KDM3A: variants seen among roughly 807,000 people sequenced by gnomAD.
The protein encoded by KDM3A is lysine-specific demethylase 3A.
In KDM3A, 60 loss-of-function variants were observed where a neutral mutation model predicts 158.0. That is an observed-to-expected ratio of 0.38 (90% confidence interval 0.31 to 0.47). The LOEUF (loss-of-function observed/expected upper bound fraction) is 0.47. Ranked by LOEUF, KDM3A falls within the 20% of genes least tolerant of loss-of-function variation. The probability of loss-of-function intolerance (pLI) is 0.99; values close to 1 mark genes in which losing one functional copy is unlikely to be tolerated. For missense variants in KDM3A, 1,319 were observed against 1,574.3 expected (o/e 0.84, Z 2.74); for synonymous variants, 608 against 549.3 (o/e 1.11, Z -1.49).
Position 86,478,219 on chromosome 2 carries a change from A to G in KDM3A, c.2142A>G (p.Ile714Met), listed in dbSNP as rs1479356252. 12 of 1,613,996 alleles carry G rather than the reference A, an allele frequency of 7.4e-6. No individual in the cohort carries two copies. The highest frequency in any genetic ancestry group is 1.0e-5 in the Non-Finnish European group (12 of 1,179,920). Residue 714 changes from isoleucine to methionine, a missense_variant, in exon 14 of 26, where the codon ATA becomes ATG. Ile to Met is a conservative substitution (Grantham distance 10). Around this residue, in one of 4 missense-constraint regions of KDM3A, gnomAD observed 368 missense variants for 415.8 expected, o/e 0.89. Coordinates refer to ENST00000312912, the MANE Select transcript of KDM3A (RefSeq NM_018433.6). Reference protein sequence around the residue: ...FSWLKCVKSQIHEPENLMPTQ... With the variant: ...FSWLKCVKSQMHEPENLMPTQ... ...GGCTAAAATGTGTGAAGAGTCAGAT[A>G]CATGAACCAGAGAACTTAATGCCCA...
intron 10 of KDM3A, among the ~76,000 whole-genome samples, chr2:86,469,359 T>C (rs1673299259): frequency 1.3e-5 from 2 of 152,208 alleles, no homozygotes; most frequent in Non-Finnish European, 2.9e-5. Context: ...CACTTCCCTC[T>C]TCTCAGCTCT....
intron 8 of KDM3A, among the ~76,000 whole-genome samples, chr2:86,458,883 A>T (rs754723295): frequency 1.8e-4 from 27 of 152,086 alleles, no homozygotes; most frequent in Non-Finnish European, 3.5e-4. Flanking sequence ...TGAGGGAAGG[A>T]CATGAGAATA....
At position 86,451,182 on chromosome 2, in the gene KDM3A, T is replaced by A; in HGVS notation, c.422T>A (p.Phe141Tyr). The A allele has an allele frequency of 6.2e-7, 1 of 1,610,806 alleles. No individual in the cohort carries two copies. The highest frequency in any genetic ancestry group is 8.5e-7 in the Non-Finnish European group (1 of 1,178,796). ...VRFLGDQQRV[F>Y]LSKDLLKPIQ... is the part of the protein sequence containing the mutation. ...TTTCTGGGAGATCAACAAAGAGTAT[T>A]TCTTTCTAAAGACCTTTTGAAGCCT... Residue 141 changes from phenylalanine to tyrosine, a missense_variant, in exon 4 of 26, where the codon TTT (phenylalanine) becomes TAT (tyrosine). Phe to Tyr is a conservative substitution (Grantham distance 22). Transcript: ENST00000312912.
At chr2:86,454,987 A>C in intron 4 of KDM3A, 98 bp from the exon 5 acceptor site, 2 of 665,152 alleles carry the variant, frequency 3.0e-6, no homozygotes, top group South Asian at 4.3e-5. Flanking sequence ...ACACTACTTT[A>C]ACCCATTTGA....
chr2:86,482,388 T>C (rs1573203923), intron 17 of KDM3A, 70 bp from the exon 18 acceptor site: 11 of 1,574,586 alleles, frequency 7.0e-6, no homozygotes, highest in Non-Finnish European at 6.0e-6. Flanking sequence ...TCTATACTCA[T>C]TATGGGAATG....
At chr2:86,465,203 A>G (rs1351595756) in intron 9 of KDM3A, among the ~76,000 whole-genome samples, 2 of 152,202 alleles carry the variant, frequency 1.3e-5, no homozygotes, top group Admixed American at 6.5e-5. Context: ...CTTCAAGGCT[A>G]TCCCTAGTAA....
chr2:86,465,952 AAAAAAG>A (rs1251509124), intron 9 of KDM3A, among the ~76,000 whole-genome samples: 16 of 151,580 alleles, frequency 1.1e-4, no homozygotes, highest in African/African-American at 3.6e-4. Flanking sequence ...AAAAAAAAAA[AAAAAAG>A]AAGAAAGAAA....
intron 8 of KDM3A, among the ~76,000 whole-genome samples, chr2:86,460,127 C>T (rs1007680853): frequency 6.6e-6 from 1 of 152,118 alleles, no homozygotes; most frequent in South Asian, 2.1e-4. Flanking sequence ...TTCTCAGAGA[C>T]TCTCTGTTTA....
chr2:86,461,256 C>G (rs556471896), intron 8 of KDM3A, among the ~76,000 whole-genome samples: 1 of 152,042 alleles, frequency 6.6e-6, no homozygotes, highest in African/African-American at 2.4e-5. Flanking sequence ...GGTGAATCAC[C>G]CTTGTAAAAA....
At chr2:86,484,743 C>A (rs906313525) in intron 19 of KDM3A, 199 bp from the exon 20 acceptor site, 3 of 500,482 alleles carry the variant, frequency 6.0e-6, no homozygotes, top group Non-Finnish European at 1.1e-5. Flanking sequence ...TTTTACACTG[C>A]AGAAATAAAA....
rs370200982 is a variant in KDM3A, at chr2:86,452,360, A to G, written c.453+1147A>G. On this transcript the variant is annotated intron_variant, in intron 4 of 25. Coordinates refer to ENST00000312912, the MANE Select transcript of KDM3A (RefSeq NM_018433.6). ...TTCAAGGTTAGTGCATAAGCAGTAT[A>G]TATTAAATAAGATGTCTTTCAACAG... is the stretch of plus-strand genomic sequence containing the variant. 3.9e-5 allele frequency among the ~76,000 whole-genome samples: 6 copies of G among 152,286 alleles called. No individual in the cohort carries two copies. In the South Asian group the frequency reaches 6.2e-4, roughly 16 times the overall value.
chr2:86,456,952 A>G, intron 7 of KDM3A, 31 bp from the exon 8 acceptor site: 1 of 1,575,988 alleles, frequency 6.3e-7, no homozygotes, highest in South Asian at 1.1e-5. Flanking sequence ...GAAACAGGGA[A>G]GCCAACTTAA....
chr2:86,466,890 G>T lies in KDM3A; in HGVS notation c.1519+7G>T. ...AACAATAAAATCCAGAATGGTGAGT[G>T]TTTCTCAATATCTTTATTGGTAGAA... On this transcript the variant is annotated splice_region_variant and intron_variant, in intron 10 of 25. Transcript: ENST00000312912. The T allele has an allele frequency of 6.3e-7, 1 of 1,576,780 alleles. No individual in the cohort carries two copies.
At chr2:86,476,029 G>C (rs1049354111) in intron 12 of KDM3A, among the ~76,000 whole-genome samples, 1 of 152,146 alleles carries the variant, frequency 6.6e-6, no homozygotes, top group Non-Finnish European at 1.5e-5. Context: ...CTATTCTTTA[G>C]AATTACTTCA....
chr2:86,446,020 A>G (rs1198160612), intron 2 of KDM3A, among the ~76,000 whole-genome samples: 3 of 152,200 alleles, frequency 2.0e-5, no homozygotes, highest in Non-Finnish European at 2.9e-5. Context: ...GGCCTTTATA[A>G]TCATATAGTC....
intron 8 of KDM3A, among the ~76,000 whole-genome samples, chr2:86,460,409 G>A (rs1672878660): frequency 1.3e-5 from 2 of 152,196 alleles, no homozygotes; most frequent in Admixed American, 1.3e-4. Context: ...AAAGGGAGCA[G>A]TGGGGAAAGA....
At chr2:86,449,773 C>G (rs567897730) in intron 2 of KDM3A, 34 bp from the exon 3 acceptor site, 1 of 1,567,122 alleles carries the variant, frequency 6.4e-7, no homozygotes, top group Non-Finnish European at 8.6e-7. Context: ...TAAATTGAAT[C>G]TGCTTCCCCC....
At position 86,470,275 on chromosome 2, in the gene KDM3A, G is replaced by C. The variant is rs576237237; in HGVS notation, c.1591G>C (p.Val531Leu). 220 of 1,614,086 alleles carry C rather than the reference G, an allele frequency of 1.4e-4. 4 individuals carry two copies. The South Asian group carries it at 2.3e-3, about 17-fold the overall frequency. ...GCTGCAACAGAGTGGCGAGGCCTTC[G>C]TACAGGATGATTCTTGTGTGAACAT... ...KKLQQSGEAFVQDDSCVNIVA... is the reference protein window; with the variant it reads ...KKLQQSGEAFLQDDSCVNIVA... The change falls in exon 11 of 26, where the codon GTA (valine) becomes CTA (leucine). Residue 531 changes from valine (V) to leucine (L), a missense_variant. Physicochemically the swap from Val to Leu is conservative, Grantham distance 32. Coordinates refer to ENST00000312912, the MANE Select transcript of KDM3A (RefSeq NM_018433.6).
At chr2:86,450,061 A>G in intron 3 of KDM3A, 99 bp downstream of exon 3, 2 of 1,288,734 alleles carry the variant, frequency 1.6e-6, no homozygotes, top group Middle Eastern at 2.3e-4. Context: ...AAAGTCAGAA[A>G]AGCTCCCAGG....
Sources: gnomAD v4.1 joint callset for allele counts (sites outside exome capture counted in the v4.1 genomes callset) on GRCh38, gnomAD v4.1.1 for gene constraint, gnomAD v4.1.1 regional missense constraint, MANE v1.5 for transcripts, NCBI Gene and HGNC (gene_info 2026-07-23, HGNC 2026-07-21) for gene names.